Variants in TSPAN15 observed in about 807,000 individuals in gnomAD.
TSPAN15 encodes the protein tetraspanin 15.
TSPAN15 carries 20 observed loss-of-function variants against 34.5 expected under a neutral mutation model. The observed-to-expected ratio is 0.58, with a 90% CI of 0.41 to 0.84. TSPAN15 has a LOEUF of 0.84. Among genes scored for constraint, TSPAN15 ranks in the 40% least tolerant of loss-of-function variants. TSPAN15 has a pLI of 0.00. For synonymous variants in TSPAN15, 155 were observed against 153.9 expected, an observed-to-expected ratio of 1.01 and a Z score of -0.05; for missense variants, 313 against 386.1, an observed-to-expected ratio of 0.81 and a Z score of 1.59.
chr10:69,465,254 C>T (rs1253493383), intron 1 of TSPAN15, among the ~76,000 whole-genome samples: 1 of 152,174 alleles, frequency 6.6e-6, no homozygotes, highest in Non-Finnish European at 1.5e-5. Context: ...GCTTTCCAAC[C>T]ACTAGGTGGG....
intron 1 of TSPAN15, among the ~76,000 whole-genome samples, chr10:69,462,398 G>C (rs1041472073): frequency 2.0e-5 from 3 of 151,794 alleles, no homozygotes; most frequent in Middle Eastern, 3.2e-3. Context: ...GCAGTGGCGT[G>C]ATCTCGGCTC....
chr10:69,460,929 G>A (rs1359642175), intron 1 of TSPAN15, among the ~76,000 whole-genome samples: 1 of 152,152 alleles, frequency 6.6e-6, no homozygotes, highest in South Asian at 2.1e-4. Context: ...TGGTTGGCGG[G>A]TGAGGAGAAG....
Position 69,507,089 on chromosome 10 carries a change from C to A in TSPAN15, c.*111C>A. The A allele has an allele frequency of 6.6e-7, 1 of 1,510,722 alleles. No individual in the cohort carries two copies. 93.6% of individuals were successfully genotyped at this position (1,510,722 alleles called of 1,614,324 possible). A position where few individuals can be genotyped will look rare whatever the true frequency, so the allele number is the denominator to read the frequency against. The stretch of plus-strand genomic sequence containing the variant: ...CCCCTCTGCCCACACTCAGTACTGA[C>A]CAAAGCCAGGGCTGTGTGTGCCTGT... On this transcript the variant is annotated 3_prime_UTR_variant, in exon 8 of 8. Transcript: ENST00000373290.
intron 1 of TSPAN15, among the ~76,000 whole-genome samples, chr10:69,467,995 G>A (rs1250159887): frequency 6.6e-6 from 1 of 152,122 alleles, no homozygotes; most frequent in Non-Finnish European, 1.5e-5. Context: ...TGCCTACGTT[G>A]TACCTGATCC....
At chr10:69,521,537 T>C in the TSPAN15 span, among the ~76,000 whole-genome samples, 1 of 147,732 alleles carries the variant, frequency 6.8e-6, no homozygotes, top group Non-Finnish European at 1.5e-5. Flanking sequence ...ATCACACCAG[T>C]GCACTCTGGC....
chr10:69,511,304 T>TGG (rs201290505), downstream of TSPAN15, among the ~76,000 whole-genome samples: 1,357 of 152,278 alleles, frequency 8.9e-3, 16 homozygotes, highest in African/African-American at 0.031. Flanking sequence ...TTTAGTCTTG[T>TGG]GGGGGTGTAT....
chr10:69,527,007 A>G, the TSPAN15 span, among the ~76,000 whole-genome samples: 7 of 147,954 alleles, frequency 4.7e-5, 3 homozygotes, highest in Non-Finnish European at 1.0e-4. Flanking sequence ...ATATGTTCAC[A>G]GAAAAATTTG....
the TSPAN15 span, among the ~76,000 whole-genome samples, chr10:69,517,679 C>T: frequency 6.6e-6 from 1 of 152,176 alleles, no homozygotes; most frequent in Non-Finnish European, 1.5e-5. Flanking sequence ...GGACTCACAC[C>T]CGGAGGGGAA....
At chr10:69,539,717 CCTT>C in the TSPAN15 span, among the ~76,000 whole-genome samples, 1 of 152,026 alleles carries the variant, frequency 6.6e-6, no homozygotes, top group Admixed American at 6.5e-5. Flanking sequence ...AGCTCAGATT[CCTT>C]CTATTATGTT....
chr10:69,507,550 A>T lies in TSPAN15; in HGVS notation c.*572A>T. 1 of 1,303,886 alleles carries T rather than the reference A, an allele frequency of 7.7e-7. No homozygotes were observed. Among genetic ancestry groups the T allele is most frequent in the Non-Finnish European group, 1.0e-6 (1 of 988,900 alleles). 80.8% of individuals were successfully genotyped at this position (1,303,886 alleles called of 1,614,324 possible). A position where few individuals can be genotyped will look rare whatever the true frequency, so the allele number is the denominator to read the frequency against. Reference sequence around the variant, plus strand: ...ATTTTTGTAACATTCATTTTTTTGTACAGATAACAGGAGTTTCTGACTAAT... The same window carrying T: ...ATTTTTGTAACATTCATTTTTTTGTTCAGATAACAGGAGTTTCTGACTAAT... On this transcript the variant is annotated 3_prime_UTR_variant, in exon 8 of 8. Coordinates refer to ENST00000373290, the MANE Select transcript of TSPAN15 (RefSeq NM_012339.5).
chr10:69,540,791 T>G, the TSPAN15 span, among the ~76,000 whole-genome samples: 1 of 152,140 alleles, frequency 6.6e-6, no homozygotes, highest in Admixed American at 6.5e-5. Context: ...CCTTGGGGTC[T>G]GGGCTCTGTA....
intron 1 of TSPAN15, among the ~76,000 whole-genome samples, chr10:69,455,617 TC>T (rs1342148752): frequency 1.1e-3 from 110 of 100,530 alleles, no homozygotes; most frequent in African/African-American, 1.4e-3. Flanking sequence ...TCTCTCTCTC[TC>T]TCTCTCTCCC....
Position 69,507,586 on chromosome 10 carries a change from A to G in TSPAN15, c.*608A>G, listed in dbSNP as rs1445100899. 3 of 1,299,186 alleles carry G rather than the reference A, an allele frequency of 2.3e-6. No homozygotes were observed. Among genetic ancestry groups the G allele is most frequent in the Non-Finnish European group, 2.0e-6 (2 of 988,014 alleles). The allele number at this position is 1,299,186 out of a possible 1,614,324, so 80.5% of individuals were successfully genotyped here. A position where few individuals can be genotyped will look rare whatever the true frequency, so the allele number is the denominator to read the frequency against. On this transcript the variant is annotated 3_prime_UTR_variant, in exon 8 of 8. Coordinates refer to ENST00000373290, the MANE Select transcript of TSPAN15 (RefSeq NM_012339.5). ...GAGTTTCTGACTAATCAAAGCTGGT[A>G]TTTCCCCGCATGTCTTATTCTTGCC...
intron 1 of TSPAN15, among the ~76,000 whole-genome samples, chr10:69,459,150 A>C (rs1841188013): frequency 6.7e-6 from 1 of 150,332 alleles, no homozygotes; most frequent in South Asian, 2.1e-4. Flanking sequence ...CCTTTCCCAG[A>C]GAGAACTTTT....
At chr10:69,470,564 C>T (rs186952309) in intron 1 of TSPAN15, among the ~76,000 whole-genome samples, 135 of 152,292 alleles carry the variant, frequency 8.9e-4, no homozygotes, top group Non-Finnish European at 1.8e-3. Context: ...CCCCTCCCAC[C>T]TGCATCTCCC....
At chr10:69,482,084 CA>C (rs770872352) in intron 1 of TSPAN15, among the ~76,000 whole-genome samples, 14 of 149,004 alleles carry the variant, frequency 9.4e-5, no homozygotes, top group Non-Finnish European at 1.6e-4. Context: ...AAAAAAAAAC[CA>C]ACCAGAAATA....
intron 1 of TSPAN15, among the ~76,000 whole-genome samples, chr10:69,482,971 T>TG (rs1296557711): frequency 1.6e-4 from 24 of 151,958 alleles, no homozygotes; most frequent in African/African-American, 5.5e-4. Flanking sequence ...GTTGATTTTT[T>TG]TTTTTTGTTG....
At chr10:69,458,719 G>A (rs1026372423) in intron 1 of TSPAN15, among the ~76,000 whole-genome samples, 1 of 152,186 alleles carries the variant, frequency 6.6e-6, no homozygotes, top group Non-Finnish European at 1.5e-5. Context: ...AATCAGGGCT[G>A]CAGCCCTGCC....
chr10:69,523,608 C>A, the TSPAN15 span: 1 of 239,544 alleles, frequency 4.2e-6, no homozygotes, highest in African/African-American at 2.3e-5. Flanking sequence ...CAGCTCTGGA[C>A]GAGGCACCCA....
Sources: gnomAD v4.1 joint callset for allele counts (sites outside exome capture counted in the v4.1 genomes callset) on GRCh38, gnomAD v4.1.1 for gene constraint, MANE v1.5 for transcripts, NCBI Gene and HGNC (gene_info 2026-07-23, HGNC 2026-07-21) for gene names.